SLC39A11: variants seen among roughly 807,000 people sequenced by gnomAD.
SLC39A11 encodes solute carrier family 39 member 11.
Under a neutral mutation model 36.1 loss-of-function variants are expected in SLC39A11, and 33 were observed. That is an observed-to-expected ratio of 0.91 (90% CI 0.69 to 1.22). The LOEUF is 1.22. Among genes scored for constraint, SLC39A11 ranks in the 50% most tolerant of loss-of-function variants. SLC39A11 has a pLI of 0.00. For synonymous variants in SLC39A11, 166 were observed against 170.3 expected, an observed-to-expected ratio of 0.97 and a Z score of 0.20; for missense variants, 432 against 430.3, an observed-to-expected ratio of 1.00 and a Z score of -0.03.
At chr17:72,971,561 T>C (rs1301800287) in intron 4 of SLC39A11, among the ~76,000 whole-genome samples, 1 of 151,810 alleles carries the variant, frequency 6.6e-6, no homozygotes, top group Non-Finnish European at 1.5e-5. Flanking sequence ...CAGGAGAGAG[T>C]CTGCCATCAG....
chr17:72,947,499 T>A, intron 5 of SLC39A11: 3 of 533,700 alleles, frequency 5.6e-6, no homozygotes, highest in Non-Finnish European at 1.0e-5. Context: ...CCTGTCCAAG[T>A]CGAAAAGATG....
chr17:73,057,900 G>A (rs143490105), intron 3 of SLC39A11, among the ~76,000 whole-genome samples: 2 of 152,134 alleles, frequency 1.3e-5, no homozygotes, highest in South Asian at 4.1e-4. Context: ...TCGTGCCACT[G>A]CACTCCAGCC....
At chr17:72,718,561 GT>G (rs1186383007) in intron 7 of SLC39A11, among the ~76,000 whole-genome samples, 1 of 152,210 alleles carries the variant, frequency 6.6e-6, no homozygotes, top group African/African-American at 2.4e-5. Context: ...TTGGGGGAGA[GT>G]TTTGAAGACC....
At chr17:73,008,007 A>G (rs1031103617) in intron 4 of SLC39A11, among the ~76,000 whole-genome samples, 3 of 151,968 alleles carry the variant, frequency 2.0e-5, no homozygotes, top group African/African-American at 7.2e-5. Context: ...GGAGGCTGAG[A>G]CAGGAGAATC....
rs369943620 is a variant in SLC39A11, at chr17:73,074,539, C to T, written c.147+10269G>A. On this transcript the variant is annotated intron_variant, in intron 3 of 9. Coordinates refer to ENST00000255559, the MANE Select transcript of SLC39A11 (RefSeq NM_139177.4). ...GTCTCGAACTCCTGGCCTCGTGATC[C>T]ACCCACCTCGGCTTCCCAAAGTGCC... Among the ~76,000 whole-genome samples, 44 of 152,248 alleles carry T rather than the reference C, an allele frequency of 2.9e-4. No individual in the cohort carries two copies. In the East Asian group the frequency reaches 4.6e-3, roughly 16 times the overall value.
intron 7 of SLC39A11, among the ~76,000 whole-genome samples, chr17:72,701,301 G>A (rs1198711474): frequency 6.6e-6 from 1 of 152,188 alleles, no homozygotes; most frequent in African/African-American, 2.4e-5. Context: ...ACAAAAACTA[G>A]CTCCGCTCTC....
At chr17:73,053,477 T>G (rs2059574562) in intron 3 of SLC39A11, among the ~76,000 whole-genome samples, 1 of 152,184 alleles carries the variant, frequency 6.6e-6, no homozygotes, top group Non-Finnish European at 1.5e-5. Flanking sequence ...CAACATGTAT[T>G]GATGAGCATT....
chr17:73,084,202 C>T (rs2060640003), intron 3 of SLC39A11, among the ~76,000 whole-genome samples: 1 of 152,034 alleles, frequency 6.6e-6, no homozygotes, highest in Admixed American at 6.6e-5. Context: ...CTTTTGGAGG[C>T]CTAGGCAGGT....
At chr17:73,039,661 GGGT>G (rs1243545072) in intron 3 of SLC39A11, among the ~76,000 whole-genome samples, 1 of 152,118 alleles carries the variant, frequency 6.6e-6, no homozygotes, top group African/African-American at 2.4e-5. Context: ...CACAAACATG[GGGT>G]GAGTAATTGT....
intron 4 of SLC39A11, among the ~76,000 whole-genome samples, chr17:73,008,649 A>G (rs1032655587): frequency 3.2e-4 from 49 of 152,372 alleles, no homozygotes; most frequent in Non-Finnish European, 6.5e-4. Flanking sequence ...TACTAGCAGC[A>G]CTATTCACAG....
At chr17:72,870,893 T>C (rs931749771) in intron 5 of SLC39A11, among the ~76,000 whole-genome samples, 1 of 152,178 alleles carries the variant, frequency 6.6e-6, no homozygotes, top group Non-Finnish European at 1.5e-5. Flanking sequence ...AGAATAAGAA[T>C]TACATATTTT....
At chr17:72,801,635 A>C (rs1223961554) in intron 6 of SLC39A11, among the ~76,000 whole-genome samples, 2 of 152,258 alleles carry the variant, frequency 1.3e-5, no homozygotes, top group African/African-American at 4.8e-5. Context: ...TGGTATGTGA[A>C]TTAAATCAAC....
In SLC39A11 at chr17:72,974,413, T is replaced by C. The variant is rs555039557; in HGVS notation, c.307-26538A>G. ...CCACACCCGGCCTAATGTTTGCATT[T>C]GTATCTTCATTTTGTACCAAAAAAA... On this transcript the variant is annotated intron_variant, in intron 4 of 9. Coordinates refer to ENST00000255559, the MANE Select transcript of SLC39A11 (RefSeq NM_139177.4). Among the ~76,000 whole-genome samples, 17 of 145,058 alleles carry C rather than the reference T, an allele frequency of 1.2e-4. No individual in the cohort carries two copies. In the South Asian group the frequency reaches 3.2e-3, roughly 27 times the overall value.
chr17:73,081,938 T>C (rs2060550475), intron 3 of SLC39A11, among the ~76,000 whole-genome samples: 1 of 151,112 alleles, frequency 6.6e-6, no homozygotes, highest in Non-Finnish European at 1.5e-5. Flanking sequence ...AATGATACAA[T>C]GGACTCTGGG....
At chr17:72,816,031 T>C (rs767197146) in intron 6 of SLC39A11, among the ~76,000 whole-genome samples, 5 of 152,250 alleles carry the variant, frequency 3.3e-5, no homozygotes, top group Non-Finnish European at 5.9e-5. Flanking sequence ...AGATATTCTA[T>C]ACATGCAGCC....
intron 4 of SLC39A11, among the ~76,000 whole-genome samples, chr17:72,959,974 G>T (rs2086505627): frequency 6.6e-6 from 1 of 152,156 alleles, no homozygotes; most frequent in South Asian, 2.1e-4. Context: ...GTTTGGTGAG[G>T]TCTATTTCAT....
intron 7 of SLC39A11, among the ~76,000 whole-genome samples, chr17:72,678,377 T>C (rs969794881): frequency 6.6e-6 from 1 of 152,006 alleles, no homozygotes; most frequent in Non-Finnish European, 1.5e-5. Flanking sequence ...GAGATGGAAA[T>C]GTGGAGGCTG....
intron 5 of SLC39A11, among the ~76,000 whole-genome samples, chr17:72,855,692 C>G (rs1021290395): frequency 6.6e-6 from 1 of 152,068 alleles, no homozygotes; most frequent in Non-Finnish European, 1.5e-5. Flanking sequence ...GTCAGAAGAT[C>G]GAGACCATCC....
chr17:72,929,790 G>A (rs1169514651), intron 5 of SLC39A11, among the ~76,000 whole-genome samples: 1 of 152,084 alleles, frequency 6.6e-6, no homozygotes, highest in African/African-American at 2.4e-5. Context: ...GCACTCTATA[G>A]AATAAAGAAA....
Sources: gnomAD v4.1 joint callset for allele counts (sites outside exome capture counted in the v4.1 genomes callset) on GRCh38, gnomAD v4.1.1 for gene constraint, MANE v1.5 for transcripts, NCBI Gene and HGNC (gene_info 2026-07-23, HGNC 2026-07-21) for gene names.